The following MEIS1 variants were observed in gnomAD, a reference collection of about 807,000 sequenced individuals.
The protein encoded by MEIS1 is Meis homeobox 1, also known as homeobox protein Meis1.
Under a neutral mutation model 50.8 loss-of-function variants are expected in MEIS1, and 5 were observed. The observed-to-expected ratio is 0.10, with a 90% CI of 0.05 to 0.21. MEIS1 has a LOEUF of 0.21. Among genes scored for constraint, MEIS1 ranks in the 10% least tolerant of loss-of-function variants. MEIS1 has a pLI of 1.00. For missense variants in MEIS1, 318 were observed against 517.3 expected, an observed-to-expected ratio of 0.61 and a Z score of 3.74; for synonymous variants, 176 against 179.3, an observed-to-expected ratio of 0.98 and a Z score of 0.15.
At chr2:66,548,310 C>CT (rs530304808) in intron 9 of MEIS1, among the ~76,000 whole-genome samples, 25 of 151,620 alleles carry the variant, frequency 1.6e-4, no homozygotes, top group South Asian at 1.0e-3. Flanking sequence ...CTCTCTATGG[C>CT]TTTTTTTTTC....
intron 8 of MEIS1, among the ~76,000 whole-genome samples, chr2:66,530,457 G>A (rs1169558644): frequency 1.3e-5 from 2 of 152,194 alleles, no homozygotes; most frequent in Non-Finnish European, 2.9e-5. Context: ...GCTCACGCCT[G>A]TAATCCCAGC....
At chr2:66,542,355 A>G (rs1190389402) in intron 8 of MEIS1, among the ~76,000 whole-genome samples, 2 of 152,122 alleles carry the variant, frequency 1.3e-5, no homozygotes, top group African/African-American at 4.8e-5. Flanking sequence ...ACTTATATTA[A>G]TGCATTAAAC....
At chr2:66,454,514 C>A (rs1306314300) in intron 6 of MEIS1, among the ~76,000 whole-genome samples, 1 of 152,000 alleles carries the variant, frequency 6.6e-6, no homozygotes, top group Admixed American at 6.6e-5. Context: ...TTTCTGAATA[C>A]AAATACTTCA....
Position 66,435,435 on chromosome 2 carries a change from A to G in MEIS1, c.-422A>G. On this transcript the variant is annotated 5_prime_UTR_variant, in exon 1 of 13. It removes an upstream start codon present in the reference 5' UTR. Transcript: ENST00000272369. ...TTCTGACCAGAAGAAGACAGAGCGG[A>G]TGATCATTCATTCACCACGTTGACA... 3.4e-6 allele frequency: 1 copy of G among 297,400 alleles called. No homozygotes were observed. Among genetic ancestry groups the G allele is most frequent in the Non-Finnish European group, 6.1e-6 (1 of 164,430 alleles). 18.4% of individuals were successfully genotyped at this position (297,400 alleles called of 1,614,324 possible).
chr2:66,454,247 G>A lies in MEIS1; in HGVS notation c.631-9862G>A, dbSNP rs563141281. Among the ~76,000 whole-genome samples the A allele has an allele frequency of 9.9e-5, 15 of 152,120 alleles. No homozygotes were observed. The South Asian group carries it at 2.1e-3, about 21-fold the overall frequency. ...CCTAACCTTCAAAAACAGGAATTGG[G>A]TTTATGGAGGAAGGATTGGGTGCTG... is the stretch of plus-strand genomic sequence containing the variant. On this transcript the variant is annotated intron_variant, in intron 6 of 12. Coordinates refer to ENST00000272369, the MANE Select transcript of MEIS1 (RefSeq NM_002398.3).
intron 7 of MEIS1, among the ~76,000 whole-genome samples, chr2:66,496,726 T>C (rs756298342): frequency 1.3e-5 from 2 of 152,198 alleles, no homozygotes; most frequent in Non-Finnish European, 2.9e-5. Flanking sequence ...TTTGGATAGC[T>C]GGTTGCTCAA....
intron 8 of MEIS1, among the ~76,000 whole-genome samples, chr2:66,529,151 G>A (rs904711701): frequency 6.6e-6 from 1 of 152,106 alleles, no homozygotes; most frequent in African/African-American, 2.4e-5. Context: ...CCTGCCCCCA[G>A]GTCCACAGCA....
At chr2:66,535,467 G>C (rs954509289) in intron 8 of MEIS1, among the ~76,000 whole-genome samples, 1 of 152,146 alleles carries the variant, frequency 6.6e-6, no homozygotes, top group African/African-American at 2.4e-5. Flanking sequence ...GTGACAGGTC[G>C]AGCCTTCTCC....
At chr2:66,530,348 T>A (rs1257614370) in intron 8 of MEIS1, among the ~76,000 whole-genome samples, 1 of 152,208 alleles carries the variant, frequency 6.6e-6, no homozygotes, top group East Asian at 1.9e-4. Context: ...TTTCACATGT[T>A]AAAATGAAGG....
chr2:66,437,657 A>C, intron 1 of MEIS1, 80 bp from the exon 2 acceptor site: 1 of 1,288,220 alleles, frequency 7.8e-7, no homozygotes, highest in Non-Finnish European at 1.1e-6. Context: ...TATTGACCTT[A>C]TATAAGCTCG....
intron 9 of MEIS1, among the ~76,000 whole-genome samples, chr2:66,563,908 G>A (rs1340150248): frequency 6.6e-6 from 1 of 152,164 alleles, no homozygotes; most frequent in Non-Finnish European, 1.5e-5. Flanking sequence ...CAAATGTGGA[G>A]ATTGTTTAAG....
At chr2:66,472,342 C>G (rs964220152) in intron 7 of MEIS1, among the ~76,000 whole-genome samples, 4 of 152,184 alleles carry the variant, frequency 2.6e-5, no homozygotes, top group Admixed American at 2.6e-4. Context: ...GAATTATAAT[C>G]TCTCCTGCAG....
chr2:66,443,156 CT>C, intron 6 of MEIS1, 108 bp downstream of exon 6: 1 of 1,229,518 alleles, frequency 8.1e-7, no homozygotes, highest in Non-Finnish European at 1.1e-6. Context: ...GATTAAGTCC[CT>C]TTTAGATACA....
intron 2 of MEIS1, chr2:66,439,553 G>T: frequency 1.3e-6 from 2 of 1,514,204 alleles, no homozygotes; most frequent in Non-Finnish European, 1.8e-6. Context: ...TGCTGGAAAC[G>T]CTTGGGTTTT....
intron 8 of MEIS1, among the ~76,000 whole-genome samples, chr2:66,539,001 C>T (rs1236915535): frequency 6.6e-6 from 1 of 152,192 alleles, no homozygotes; most frequent in East Asian, 1.9e-4. Flanking sequence ...GATTATTCTG[C>T]CTCAGCCTCC....
intron 6 of MEIS1, chr2:66,445,256 C>A (rs1036430944): frequency 5.3e-5 from 8 of 152,308 alleles, no homozygotes; most frequent in African/African-American, 1.4e-4. Context: ...CCCCCTGGGG[C>A]TCACCCAAGT....
chr2:66,440,822 C>T (rs1364101706), intron 4 of MEIS1: 2 of 569,198 alleles, frequency 3.5e-6, no homozygotes, highest in African/African-American at 1.9e-5. Flanking sequence ...GGCGAGCCAG[C>T]GCGGGGAAAC....
chr2:66,448,748 C>T (rs755304889), intron 6 of MEIS1, among the ~76,000 whole-genome samples: 250 of 152,130 alleles, frequency 1.6e-3, no homozygotes, highest in Non-Finnish European at 2.4e-3. Flanking sequence ...AAAGGAAAGT[C>T]GGCATACAGC....
At chr2:66,439,649 C>T (rs1357770554) in intron 2 of MEIS1, 194 bp from the exon 3 acceptor site, 1 of 1,538,334 alleles carries the variant, frequency 6.5e-7, no homozygotes, top group Admixed American at 2.0e-5. Context: ...CCTCCGACTT[C>T]AGGGCTCCAG....
Sources: allele counts gnomAD v4.1 joint callset (sites outside exome capture counted in the v4.1 genomes callset), GRCh38; gene constraint gnomAD v4.1.1; transcripts MANE v1.5; gene names NCBI Gene and HGNC (gene_info 2026-07-23, HGNC 2026-07-21).